The following MYBPC1 variants were observed in gnomAD, a reference collection of about 807,000 sequenced individuals.
The protein encoded by MYBPC1 is myosin binding protein C1.
Under a neutral mutation model 147.1 loss-of-function variants are expected in MYBPC1, and 52 were observed. That is an observed-to-expected ratio of 0.35 (90% CI 0.28 to 0.45). The LOEUF is 0.45. MYBPC1 is among the 20% of genes least tolerant of loss of function. The probability of loss-of-function intolerance (pLI) is 1.00; values close to 1 mark genes in which losing one functional copy is unlikely to be tolerated. For missense variants in MYBPC1, 1,228 were observed against 1,440.3 expected (o/e 0.85, Z 2.39); for synonymous variants, 477 against 475.9 (o/e 1.00, Z -0.03).
Position 101,682,583 on chromosome 12 carries a change from A to G in MYBPC1, c.3434-21A>G, listed in dbSNP as rs952552817. 5 of 1,603,334 alleles carry G rather than the reference A, an allele frequency of 3.1e-6. No individual in the cohort carries two copies. The African/African-American group carries it at 5.4e-5, about 17-fold the overall frequency. Reference sequence around the variant, plus strand: ...CAACTGAGAATAAATAAATACTGGTACAAATATTCTGATTCTGCAGTGATA... The same window carrying G: ...CAACTGAGAATAAATAAATACTGGTGCAAATATTCTGATTCTGCAGTGATA... On this transcript the variant is annotated intron_variant, in intron 29 of 31. Coordinates refer to ENST00000361466, the MANE Select transcript of MYBPC1 (RefSeq NM_002465.4).
At chr12:101,686,867 G>A (rs1044973826), downstream of MYBPC1, among the ~76,000 whole-genome samples, 2 of 152,120 alleles carry the variant, frequency 1.3e-5, no homozygotes, top group African/African-American at 4.8e-5. Context: ...ACAAAAGAAA[G>A]TCTAGTTTAT....
chr12:101,677,512 T>G lies in MYBPC1; in HGVS notation c.3109+118T>G, dbSNP rs1263784. Reference sequence around the variant, plus strand: ...AAAATGGTAAATGTACATTGTAAAATTATGATAATGGTGTTCAAGTAAAAT... The same window carrying G: ...AAAATGGTAAATGTACATTGTAAAAGTATGATAATGGTGTTCAAGTAAAAT... On this transcript the variant is annotated intron_variant, in intron 27 of 31. Coordinates refer to ENST00000361466, the MANE Select transcript of MYBPC1 (RefSeq NM_002465.4). 240,788 of 1,234,102 alleles carry G rather than the reference T, an allele frequency of 0.2. 24,145 individuals carry two copies. The highest frequency in any genetic ancestry group is 0.3 in the East Asian group (12,161 of 40,398). The allele number at this position is 1,234,102 out of a possible 1,614,324, so 76.4% of individuals were successfully genotyped here.
chr12:101,648,229 C>T, intron 14 of MYBPC1, 79 bp downstream of exon 14: 1 of 1,003,764 alleles, frequency 1.0e-6, no homozygotes, highest in Non-Finnish European at 1.6e-6. Context: ...ACAGGAAGTA[C>T]AAATAGCTTT....
At chr12:101,661,916 G>GAAAGA (rs1555247217) in intron 20 of MYBPC1, among the ~76,000 whole-genome samples, 10 of 124,856 alleles carry the variant, frequency 8.0e-5, no homozygotes, top group South Asian at 7.6e-4. Context: ...AAAAAAAAAA[G>GAAAGA]AAAGAAAAAA....
intron 14 of MYBPC1, 40 bp from the exon 15 acceptor site, chr12:101,649,220 G>A: frequency 6.3e-7 from 1 of 1,577,934 alleles, no homozygotes; most frequent in Non-Finnish European, 8.7e-7. Flanking sequence ...TTTCCTGAAG[G>A]ATCTTTTACA....
rs1208518511 is a variant in MYBPC1, at chr12:101,672,439, A to G, written c.2614-988A>G. Among the ~76,000 whole-genome samples, 64 of 152,224 alleles carry G rather than the reference A, an allele frequency of 4.2e-4. 1 individual carries two copies. Among genetic ancestry groups the G allele is most frequent in the Admixed American group, 4.2e-3 (64 of 15,276 alleles). On this transcript the variant is annotated intron_variant, in intron 24 of 31. Coordinates refer to ENST00000361466, the MANE Select transcript of MYBPC1 (RefSeq NM_002465.4). Reference sequence around the variant, plus strand: ...ACTCAGGTTCATGAATGGGATTATGATTTCTTAAATTCTGCTCTTAAAGAA... The same window carrying G: ...ACTCAGGTTCATGAATGGGATTATGGTTTCTTAAATTCTGCTCTTAAAGAA...
intron 22 of MYBPC1, chr12:101,664,676 A>G (rs1897136805): frequency 6.6e-6 from 1 of 152,202 alleles, no homozygotes; most frequent in Non-Finnish European, 1.5e-5. Flanking sequence ...GGAGGGAGGA[A>G]GAGGAGAGGG....
chr12:101,677,279 C>T lies in MYBPC1; in HGVS notation c.2994C>T (p.Thr998=). Residue 998 remains threonine, a synonymous_variant, in exon 27 of 32, where the codon ACC becomes ACT. Coordinates refer to ENST00000361466, the MANE Select transcript of MYBPC1 (RefSeq NM_002465.4). ...VIEHYHRTSA[T]ITELVIGNEY... ...AGCATTATCATCGAACCAGTGCCAC[C>T]ATTACTGAATTGGTCATAGGGAATG... 2 of 1,613,746 alleles carry T rather than the reference C, an allele frequency of 1.2e-6. No homozygotes were observed. The highest frequency in any genetic ancestry group is 1.7e-6 in the Non-Finnish European group (2 of 1,179,804).
intron 24 of MYBPC1, among the ~76,000 whole-genome samples, chr12:101,670,833 A>T (rs1385044466): frequency 2.0e-5 from 3 of 152,226 alleles, no homozygotes; most frequent in Non-Finnish European, 4.4e-5. Flanking sequence ...AAACCAAAAT[A>T]ATTTCAATAA....
chr12:101,649,196 A>T (rs1401441695), intron 14 of MYBPC1, 64 bp from the exon 15 acceptor site: 2 of 1,440,208 alleles, frequency 1.4e-6, no homozygotes, highest in Admixed American at 3.6e-5. Flanking sequence ...AATAAGCAAG[A>T]TGGACAAGGT....
Position 101,620,415 on chromosome 12 carries a change from A to T in MYBPC1, c.103+3172A>T, listed in dbSNP as rs556691698. On this transcript the variant is annotated intron_variant, in intron 3 of 31. Transcript: ENST00000361466. The stretch of plus-strand genomic sequence containing the variant: ...CAGCAAGATTTGCTGAGTGTTGGCT[A>T]CATGCCAGGCACAGATCTGGGCACT... Among the ~76,000 whole-genome samples, 5 of 152,368 alleles carry T rather than the reference A, an allele frequency of 3.3e-5. No individual in the cohort carries two copies. The East Asian group carries it at 9.6e-4, about 29-fold the overall frequency.
At chr12:101,679,791 C>A (rs1355856807) in intron 28 of MYBPC1, among the ~76,000 whole-genome samples, 1 of 141,412 alleles carries the variant, frequency 7.1e-6, no homozygotes, top group African/African-American at 2.7e-5. Flanking sequence ...GATCGTGACA[C>A]TTTATGGGGT....
In MYBPC1 at chr12:101,657,744, T is replaced by G. The variant is rs1271835887; in HGVS notation, c.1768-1928T>G. Among the ~76,000 whole-genome samples, 5 of 152,338 alleles carry G rather than the reference T, an allele frequency of 3.3e-5. No homozygotes were observed. In the South Asian group the frequency reaches 6.2e-4, roughly 19 times the overall value. Reference sequence around the variant, plus strand: ...AAGCAACAGGCCCCAATGGGTTTGTTGGTAAATTCTACCAAACATTTAAGA... The same window carrying G: ...AAGCAACAGGCCCCAATGGGTTTGTGGGTAAATTCTACCAAACATTTAAGA... On this transcript the variant is annotated intron_variant, in intron 18 of 31. Transcript: ENST00000361466.
rs1379732522 is a variant in MYBPC1 at position 101,651,485 on chromosome 12, G to A, written c.1526+92G>A. ...ACATATTTGGTGAGGATATTTGAAGGGTAGCCATAGGGAGATCATCTATTC... is the reference window on the plus strand; with the variant it reads ...ACATATTTGGTGAGGATATTTGAAGAGTAGCCATAGGGAGATCATCTATTC... On this transcript the variant is annotated intron_variant, in intron 16 of 31. Coordinates refer to ENST00000361466, the MANE Select transcript of MYBPC1 (RefSeq NM_002465.4). 7 of 1,510,262 alleles carry A rather than the reference G, an allele frequency of 4.6e-6. No individual in the cohort carries two copies. The East Asian group carries it at 9.0e-5, about 19-fold the overall frequency. 93.6% of individuals were successfully genotyped at this position (1,510,262 alleles called of 1,614,324 possible). A position where few individuals can be genotyped will look rare whatever the true frequency, so the allele number is the denominator to read the frequency against.
intron 10 of MYBPC1, among the ~76,000 whole-genome samples, chr12:101,641,215 T>C (rs1343801211): frequency 6.6e-6 from 1 of 151,910 alleles, no homozygotes; most frequent in African/African-American, 2.4e-5. Context: ...ATAGCATGAA[T>C]TCATTTTCAC....
At chr12:101,660,428 A>C (rs1220512557) in intron 19 of MYBPC1, 3 of 168,262 alleles carry the variant, frequency 1.8e-5, no homozygotes, top group Admixed American at 5.5e-5. Context: ...TAAAAACAAC[A>C]ACCACAACAA....
Position 101,651,385 on chromosome 12 carries a change from C to G in MYBPC1, c.1518C>G (p.His506Gln), listed in dbSNP as rs3817552. The G allele has an allele frequency of 0.16, 253,389 of 1,613,664 alleles. 20,958 individuals carry two copies. The highest frequency in any genetic ancestry group is 0.3 in the East Asian group (13,588 of 44,862). ...VQESDRLKVV[H>Q]KGRIHKLVIA... ...AGAGTGACCGTCTAAAGGTGGTTCA[C>G]AAGGGAAGGTAAGCGAGCCAGGTGA... The change falls in exon 16 of 32, where the codon CAC becomes CAG. Residue 506 changes from histidine (H) to glutamine (Q), a missense_variant. By Grantham distance (24) the His-to-Gln change is conservative. This residue lies in a region of MYBPC1 where 1,077 missense variants were observed against 1,314.2 expected (regional missense o/e 0.82). Coordinates refer to ENST00000361466, the MANE Select transcript of MYBPC1 (RefSeq NM_002465.4).
Position 101,631,881 on chromosome 12 carries a change from C to T in MYBPC1, c.439-140C>T, listed in dbSNP as rs550400325. 2.0e-4 allele frequency: 265 copies of T among 1,318,594 alleles called. No homozygotes were observed. In the African/African-American group the frequency reaches 2.3e-3, roughly 12 times the overall value. 81.7% of individuals were successfully genotyped at this position (1,318,594 alleles called of 1,614,324 possible). A position where few individuals can be genotyped will look rare whatever the true frequency, so the allele number is the denominator to read the frequency against. On this transcript the variant is annotated intron_variant, in intron 7 of 31. Coordinates refer to ENST00000361466, the MANE Select transcript of MYBPC1 (RefSeq NM_002465.4). ...TCTATTGCGATTGCCCGGCTGTGTC[C>T]GGGGGCTACAGGACACATTTGCCCT...
At chr12:101,689,232 G>GAGAAAT (rs1354295885), downstream of MYBPC1, among the ~76,000 whole-genome samples, 1 of 152,154 alleles carries the variant, frequency 6.6e-6, no homozygotes, top group East Asian at 1.9e-4. Flanking sequence ...TAGGGAGATT[G>GAGAAAT]AGAAATTCTC....
Sources: allele counts gnomAD v4.1 joint callset (sites outside exome capture counted in the v4.1 genomes callset), GRCh38; gene constraint gnomAD v4.1.1; regional missense constraint gnomAD v4.1.1; transcripts MANE v1.5; gene names NCBI Gene and HGNC (gene_info 2026-07-23, HGNC 2026-07-21).